CRAMP1: variants seen among roughly 807,000 people sequenced by gnomAD.
The protein encoded by CRAMP1 is protein cramped-like.
A neutral mutation model predicts 115.4 loss-of-function variants in CRAMP1; 50 were observed. That is an observed-to-expected ratio of 0.43 (90% CI 0.35 to 0.55). The LOEUF (loss-of-function observed/expected upper bound fraction) is 0.55. CRAMP1 is among the 20% of genes least tolerant of loss of function. The pLI is 0.01. For missense variants in CRAMP1, 1,679 were observed against 1,721.7 expected, an observed-to-expected ratio of 0.98 and a Z score of 0.44; for synonymous variants, 866 against 745.4, an observed-to-expected ratio of 1.16 and a Z score of -2.64.
intron 13 of CRAMP1, among the ~76,000 whole-genome samples, chr16:1,664,639 C>T (rs1228265597): frequency 6.6e-6 from 1 of 152,210 alleles, no homozygotes; most frequent in East Asian, 1.9e-4. Flanking sequence ...ACTAGCTGGG[C>T]GTGATGGCGA....
At chr16:1,642,184 C>A (rs2036638079) in intron 6 of CRAMP1, among the ~76,000 whole-genome samples, 1 of 152,222 alleles carries the variant, frequency 6.6e-6, no homozygotes, top group Non-Finnish European at 1.5e-5. Context: ...ACAGTCCTTA[C>A]CCATCTCTCT....
chr16:1,629,739 C>T lies in CRAMP1; in HGVS notation c.541-2473C>T, dbSNP rs111878647. ...CTGGACCTTGCAGGAAGGCCTTTCA[C>T]GTGCTGCTTCGCCTCTTTATGCTTT... is the stretch of plus-strand genomic sequence containing the variant. On this transcript the variant is annotated intron_variant, in intron 3 of 20. Coordinates refer to ENST00000397412, the MANE Select transcript of CRAMP1 (RefSeq NM_020825.4). 6.1e-3 allele frequency among the ~76,000 whole-genome samples: 924 copies of T among 152,328 alleles called. 2 individuals are homozygous for T. Among genetic ancestry groups the T allele is most frequent in the Non-Finnish European group, 8.5e-3 (580 of 68,030 alleles).
chr16:1,622,493 G>A (rs1179702173), intron 2 of CRAMP1, among the ~76,000 whole-genome samples: 2 of 152,228 alleles, frequency 1.3e-5, no homozygotes, highest in Non-Finnish European at 2.9e-5. Context: ...CTGGGTGACA[G>A]AGCAAGACTC....
intron 3 of CRAMP1, among the ~76,000 whole-genome samples, chr16:1,628,582 C>T (rs938167346): frequency 1.3e-5 from 2 of 152,232 alleles, no homozygotes; most frequent in African/African-American, 4.8e-5. Flanking sequence ...CATTGTGTGT[C>T]TCATCAAAAC....
In CRAMP1 at chr16:1,655,703, A is replaced by G. The variant is rs78161083; in HGVS notation, c.1120-174A>G. Among the ~76,000 whole-genome samples the G allele has an allele frequency of 5.3e-3, 806 of 152,286 alleles. 9 individuals carry two copies. The highest frequency in any genetic ancestry group is 0.018 in the African/African-American group (763 of 41,568). On this transcript the variant is annotated intron_variant, in intron 9 of 20. Transcript: ENST00000397412. Reference sequence around the variant, plus strand: ...CAGGTGTGAATTTCCTGAAGGTACTAAGTGCCCGGGTCAGCATTGTTGGGT... The same window carrying G: ...CAGGTGTGAATTTCCTGAAGGTACTGAGTGCCCGGGTCAGCATTGTTGGGT...
intron 6 of CRAMP1, among the ~76,000 whole-genome samples, chr16:1,643,230 A>G (rs2036647376): frequency 1.3e-5 from 2 of 152,142 alleles, no homozygotes; most frequent in Non-Finnish European, 2.9e-5. Flanking sequence ...GCAGAGGGAA[A>G]GTGCCTTCTG....
intron 4 of CRAMP1, among the ~76,000 whole-genome samples, chr16:1,636,761 C>T (rs539039726): frequency 1.6e-3 from 244 of 152,374 alleles, no homozygotes; most frequent in African/African-American, 5.7e-3. Context: ...TGTCTCGTGG[C>T]AGAGACGCCT....
At chr16:1,659,108 C>T (rs2036801645) in intron 10 of CRAMP1, among the ~76,000 whole-genome samples, 1 of 152,162 alleles carries the variant, frequency 6.6e-6, no homozygotes, top group Non-Finnish European at 1.5e-5. Context: ...TGCTCTTCAG[C>T]TGTGCTTGTG....
chr16:1,647,116 A>AC (rs2036681799), intron 6 of CRAMP1: 1 of 701,702 alleles, frequency 1.4e-6, no homozygotes, highest in Non-Finnish European at 2.6e-6. Context: ...TTTCAGCCCA[A>AC]AAGCGATTGG....
intron 9 of CRAMP1, 35 bp from the exon 10 acceptor site, chr16:1,655,842 C>A: frequency 6.3e-7 from 1 of 1,581,086 alleles, no homozygotes; most frequent in South Asian, 1.2e-5. Context: ...GACCTCAGTG[C>A]TAGCCAGTGT....
intron 2 of CRAMP1, chr16:1,625,736 C>T: frequency 2.2e-6 from 1 of 456,404 alleles, no homozygotes; most frequent in Non-Finnish European, 3.9e-6. Flanking sequence ...CACATAAAAT[C>T]TTGCTCCTTT....
intron 4 of CRAMP1, 33 bp from the exon 5 acceptor site, chr16:1,637,791 C>T (rs766479243): frequency 1.6e-6 from 2 of 1,263,460 alleles, no homozygotes; most frequent in Non-Finnish European, 2.2e-6. Flanking sequence ...TCCTGTTCCC[C>T]TCTCTAAAGC....
rs751819948 is a variant in CRAMP1, at chr16:1,655,246, C to T, written c.1065C>T (p.Val355=). ...TGATCGTGGAGCTACATCGAAAGGTCTCCAGCCTCATCGAATTCTTGAAGC... is the reference window on the plus strand; with the variant it reads ...TGATCGTGGAGCTACATCGAAAGGTTTCCAGCCTCATCGAATTCTTGAAGC... The part of the protein sequence containing the change: ...LRMIVELHRK[V]SSLIEFLKQK... The change falls in exon 9 of 21, where the codon GTC becomes GTT. Residue 355 remains valine, a synonymous_variant. Coordinates refer to ENST00000397412, the MANE Select transcript of CRAMP1 (RefSeq NM_020825.4). The T allele has an allele frequency of 6.2e-6, 10 of 1,613,994 alleles. No individual in the cohort carries two copies. Among genetic ancestry groups the T allele is most frequent in the East Asian group, 2.2e-5 (1 of 44,884 alleles).
intron 8 of CRAMP1, among the ~76,000 whole-genome samples, chr16:1,653,834 A>G (rs201916639): frequency 6.9e-6 from 1 of 145,474 alleles, no homozygotes; most frequent in African/African-American, 2.6e-5. Flanking sequence ...AAAAAAAAAA[A>G]AAACAAACAA....
rs2036966707 is a variant in CRAMP1 at position 1,676,248 on chromosome 16, GCAGCCAACTGC to G, written c.*2204_*2214del. On this transcript the variant is annotated 3_prime_UTR_variant, in exon 21 of 21. Transcript: ENST00000397412. ...GGTTCTCCAGCGTAGACTCCTGGGA[GCAGCCAACTGC>G]AGCCATTGCCATCCAGTGGGGAGAT... 1 of 152,284 alleles carries G rather than the reference GCAGCCAACTGC, an allele frequency of 6.6e-6. No individual in the cohort carries two copies. Among genetic ancestry groups the G allele is most frequent in the Non-Finnish European group, 1.5e-5 (1 of 68,038 alleles). 9.4% of individuals were successfully genotyped at this position (152,284 alleles called of 1,614,324 possible). A position where few individuals can be genotyped will look rare whatever the true frequency, so the allele number is the denominator to read the frequency against.
chr16:1,651,699 C>G (rs2036724809), intron 6 of CRAMP1, among the ~76,000 whole-genome samples: 1 of 142,914 alleles, frequency 7.0e-6, no homozygotes, highest in Non-Finnish European at 1.5e-5. Context: ...GAGAGGTGGA[C>G]TGAGGTCACA....
In CRAMP1 at chr16:1,614,752, C is replaced by T. The variant is rs1281129131; in HGVS notation, c.113C>T (p.Ala38Val). ...GGAGAAGGGGCCGGCGGCGCAGACGCGGCCGAGGAGAGCAGCGGCACAAAG... is the reference window on the plus strand; with the variant it reads ...GGAGAAGGGGCCGGCGGCGCAGACGTGGCCGAGGAGAGCAGCGGCACAAAG... ...LEGEGAGGAD[A>V]AEESSGTKRD... The change falls in exon 2 of 21, where the codon GCG (alanine) becomes GTG (valine). Residue 38 changes from alanine to valine, a missense_variant. Ala to Val is a moderately conservative substitution (Grantham distance 64). This residue lies in a region of CRAMP1 where 264 missense variants were observed against 229.7 expected (regional missense o/e 1.15). Transcript: ENST00000397412. The surrounding 1 kb of genome is among the most constrained non-coding windows in gnomAD (Gnocchi z 4.4). 1 of 1,367,042 alleles carries T rather than the reference C, an allele frequency of 7.3e-7. No homozygotes were observed. Among genetic ancestry groups the T allele is most frequent in the Non-Finnish European group, 9.5e-7 (1 of 1,047,916 alleles). 84.7% of individuals were successfully genotyped at this position (1,367,042 alleles called of 1,614,324 possible).
At chr16:1,659,633 C>T (rs1055904057) in intron 10 of CRAMP1, among the ~76,000 whole-genome samples, 10 of 152,162 alleles carry the variant, frequency 6.6e-5, no homozygotes, top group Admixed American at 4.6e-4. Context: ...ATGATCCGCT[C>T]GTCTCGGCCT....
In CRAMP1 at chr16:1,656,187, C is replaced by T. The variant is rs1436409347; in HGVS notation, c.1430C>T (p.Pro477Leu). Residue 477 changes from proline to leucine, a missense_variant, in exon 10 of 21, where the codon CCT becomes CTT. Transcript: ENST00000397412. The surrounding 1 kb of genome is among the most constrained non-coding windows in gnomAD (Gnocchi z 5.6). ...GAGGGCAAGGGTGTGGGGCGGCCCC[C>T]TCCTGCGGCTGACGCCTTGCAGAGC... ...GAEGKGVGRP[P>L]PAADALQSSG... The T allele has an allele frequency of 5.6e-6, 9 of 1,601,874 alleles. No homozygotes were observed. The highest frequency in any genetic ancestry group is 1.3e-5 in the African/African-American group (1 of 74,680).
Sources: gnomAD v4.1 joint callset for allele counts (sites outside exome capture counted in the v4.1 genomes callset) on GRCh38, gnomAD v4.1.1 for gene constraint, gnomAD v4.1.1 regional missense constraint, Gnocchi (gnomAD v3.1) non-coding constraint, MANE v1.5 for transcripts, NCBI Gene and HGNC (gene_info 2026-07-23, HGNC 2026-07-21) for gene names.